Variants in SPMIP2 observed in about 807,000 individuals in gnomAD.
SPMIP2 encodes the protein protein SPMIP2.
At chr4:158,984,277 C>T in the SPMIP2 span, among the ~76,000 whole-genome samples, 3 of 99,094 alleles carry the variant, frequency 3.0e-5, no homozygotes, top group African/African-American at 6.9e-5. Context: ...CTGCACCAAG[C>T]GGACCTAATA....
At chr4:158,922,205 T>G in the SPMIP2 span, among the ~76,000 whole-genome samples, 1 of 152,138 alleles carries the variant, frequency 6.6e-6, no homozygotes, top group Admixed American at 6.6e-5. Context: ...TTTACTTTTT[T>G]GATCTGCCTC....
the SPMIP2 span, among the ~76,000 whole-genome samples, chr4:159,021,988 T>A: frequency 1.3e-5 from 2 of 152,192 alleles, no homozygotes; most frequent in Non-Finnish European, 2.9e-5. Context: ...TCTGGAATCA[T>A]AGATCATTTT....
chr4:158,910,802 G>A, the SPMIP2 span, among the ~76,000 whole-genome samples: 175 of 152,226 alleles, frequency 1.1e-3, no homozygotes, highest in Admixed American at 3.3e-3. Flanking sequence ...TCACCCTGCT[G>A]CGTTTGGATT....
chr4:158,895,297 GA>G, the SPMIP2 span, among the ~76,000 whole-genome samples: 2 of 151,766 alleles, frequency 1.3e-5, no homozygotes, highest in African/African-American at 2.4e-5. Context: ...GCTATTGGGG[GA>G]AAAAAACAAA....
chr4:158,903,592 T>A, the SPMIP2 span, among the ~76,000 whole-genome samples: 1 of 152,192 alleles, frequency 6.6e-6, no homozygotes. Flanking sequence ...TGGACTCATG[T>A]TCATCCTTCC....
At chr4:158,993,512 A>C in the SPMIP2 span, among the ~76,000 whole-genome samples, 1 of 151,960 alleles carries the variant, frequency 6.6e-6, no homozygotes, top group African/African-American at 2.4e-5. Flanking sequence ...TCATGCTATT[A>C]CTGGGATTCT....
At chr4:158,941,912 T>C in the SPMIP2 span, among the ~76,000 whole-genome samples, 1 of 152,162 alleles carries the variant, frequency 6.6e-6, no homozygotes, top group Non-Finnish European at 1.5e-5. Flanking sequence ...GAGATGGTGG[T>C]GTTCTGGTAG....
chr4:158,910,383 C>T, the SPMIP2 span, among the ~76,000 whole-genome samples: 1 of 152,022 alleles, frequency 6.6e-6, no homozygotes, highest in Non-Finnish European at 1.5e-5. Context: ...AGGCGATTCT[C>T]CTGCCTCAGC....
At chr4:159,018,773 T>G in the SPMIP2 span, among the ~76,000 whole-genome samples, 1 of 152,084 alleles carries the variant, frequency 6.6e-6, no homozygotes, top group South Asian at 2.1e-4. Flanking sequence ...GTGGTTTTGA[T>G]AAAAGTCATC....
At chr4:159,060,789 G>A in the SPMIP2 span, among the ~76,000 whole-genome samples, 2 of 152,128 alleles carry the variant, frequency 1.3e-5, no homozygotes, top group African/African-American at 4.8e-5. Context: ...GTAGTATTAA[G>A]TATATATAGC....
At chr4:158,968,924 T>C in the SPMIP2 span, among the ~76,000 whole-genome samples, 48,354 of 152,100 alleles carry the variant, frequency 0.32, 7,888 homozygotes, top group South Asian at 0.41. Flanking sequence ...CAGTTAAAAA[T>C]GAGGCAGAGA....
At chr4:158,936,723 G>A in the SPMIP2 span, among the ~76,000 whole-genome samples, 5 of 152,206 alleles carry the variant, frequency 3.3e-5, no homozygotes, top group African/African-American at 1.2e-4. Context: ...GTGTGATGGT[G>A]TAGTCCACAC....
chr4:158,981,806 CAAAAAAAAAAAAAA>C, the SPMIP2 span, among the ~76,000 whole-genome samples: 3 of 77,298 alleles, frequency 3.9e-5, no homozygotes, highest in Non-Finnish European at 7.1e-5. Context: ...AACTAATGGG[CAAAAAAAAAAAAAA>C]AAAAAAAAAA....
At chr4:158,981,481 A>G in the SPMIP2 span, among the ~76,000 whole-genome samples, 6 of 152,312 alleles carry the variant, frequency 3.9e-5, no homozygotes, top group Admixed American at 2.6e-4. Context: ...CCACAAAGGG[A>G]TGCCCATCAG....
the SPMIP2 span, among the ~76,000 whole-genome samples, chr4:159,072,765 T>C: frequency 6.6e-6 from 1 of 152,104 alleles, no homozygotes; most frequent in African/African-American, 2.4e-5. Flanking sequence ...CTTTTTTCAG[T>C]GTCCCAAATT....
chr4:159,061,797 C>G, the SPMIP2 span, among the ~76,000 whole-genome samples: 3 of 139,632 alleles, frequency 2.1e-5, no homozygotes, highest in Non-Finnish European at 4.5e-5. Flanking sequence ...GGCGACAGAG[C>G]GAGACTCAGT....
At chr4:159,001,346 A>C in the SPMIP2 span, among the ~76,000 whole-genome samples, 3 of 152,136 alleles carry the variant, frequency 2.0e-5, no homozygotes, top group Non-Finnish European at 4.4e-5. Flanking sequence ...TTATTGAGAG[A>C]GTTGAGCTTT....
the SPMIP2 span, among the ~76,000 whole-genome samples, chr4:159,074,807 C>T: frequency 2.6e-5 from 4 of 152,078 alleles, no homozygotes; most frequent in Non-Finnish European, 5.9e-5. Context: ...TTTGTATCAA[C>T]CAGAGACCCT....
the SPMIP2 span, among the ~76,000 whole-genome samples, chr4:159,076,722 T>C: frequency 6.6e-6 from 1 of 152,136 alleles, no homozygotes; most frequent in African/African-American, 2.4e-5. Context: ...GGTTGGAGTA[T>C]AGTAATACAA....
Sources: gnomAD v4.1 joint callset for allele counts (sites outside exome capture counted in the v4.1 genomes callset) on GRCh38, gnomAD v4.1.1 for gene constraint, MANE v1.5 for transcripts, NCBI Gene and HGNC (gene_info 2026-07-23, HGNC 2026-07-21) for gene names.